NEGR1: variants seen among roughly 807,000 people sequenced by gnomAD.
The protein encoded by NEGR1 is IgLON family member 4.
NEGR1 carries 10 observed loss-of-function variants against 40.9 expected under a neutral mutation model. The observed-to-expected ratio is 0.24, with a 90% CI of 0.15 to 0.42. The LOEUF (loss-of-function observed/expected upper bound fraction) is 0.42, where lower values mean the gene tolerates loss of function less well. NEGR1 is among the 10% of genes least tolerant of loss of function. The probability of loss-of-function intolerance (pLI) is 1.00; values close to 1 mark genes in which losing one functional copy is unlikely to be tolerated. For missense variants in NEGR1, 352 were observed against 438.9 expected (o/e 0.80, Z 1.77); for synonymous variants, 185 against 166.8 (o/e 1.11, Z -0.84).
chr1:71,924,790 C>G (rs1467496624), intron 2 of NEGR1, among the ~76,000 whole-genome samples: 4 of 152,002 alleles, frequency 2.6e-5, no homozygotes, highest in Non-Finnish European at 5.9e-5. Flanking sequence ...CACGCATTCA[C>G]TATTCTACAC....
Position 72,282,351 on chromosome 1 carries a change from C to T in NEGR1, c.144G>A (p.Met48Ile), listed in dbSNP as rs544575439. The T allele has an allele frequency of 1.2e-6, 2 of 1,614,116 alleles. No individual in the cohort carries two copies. The highest frequency in any genetic ancestry group is 1.3e-5 in the African/African-American group (1 of 75,038). Reference protein sequence around the residue: ...VDFPWAAVDNMMVRKGDTAVL... With the variant: ...VDFPWAAVDNIMVRKGDTAVL... ...CCGCCGTGTCCCCTTTTCTGACCAT[C>T]ATGTTGTCCACGGCCGCCCAGGGGA... The change falls in exon 1 of 7, where the codon ATG (methionine) becomes ATA (isoleucine). Residue 48 changes from methionine to isoleucine, a missense_variant. By Grantham distance (10) the Met-to-Ile change is conservative. Coordinates refer to ENST00000357731, the MANE Select transcript of NEGR1 (RefSeq NM_173808.3).
chr1:71,581,919 G>T (rs1451865706), intron 6 of NEGR1, among the ~76,000 whole-genome samples: 1 of 151,918 alleles, frequency 6.6e-6, no homozygotes, highest in South Asian at 2.1e-4. Context: ...GCCCAAGCTG[G>T]TCTTAAACTC....
At chr1:72,186,573 T>G (rs1652620681) in intron 1 of NEGR1, among the ~76,000 whole-genome samples, 1 of 151,540 alleles carries the variant, frequency 6.6e-6, no homozygotes, top group South Asian at 2.1e-4. Context: ...CTGACATAAC[T>G]TCATAATTCT....
intron 6 of NEGR1, among the ~76,000 whole-genome samples, chr1:71,573,927 A>G (rs908280382): frequency 6.6e-6 from 1 of 152,108 alleles, no homozygotes; most frequent in Admixed American, 6.5e-5. Context: ...TTTTATCTCT[A>G]TATATCTGCA....
chr1:71,803,453 C>A (rs1160298234), intron 2 of NEGR1, among the ~76,000 whole-genome samples: 1 of 152,138 alleles, frequency 6.6e-6, no homozygotes, highest in Non-Finnish European at 1.5e-5. Context: ...TATAGTCTGT[C>A]CAATGGCTAA....
At chr1:71,963,619 A>G (rs1015972225) in intron 1 of NEGR1, among the ~76,000 whole-genome samples, 6 of 152,316 alleles carry the variant, frequency 3.9e-5, no homozygotes, top group African/African-American at 1.4e-4. Flanking sequence ...ATATTTTTAT[A>G]TATTTTAATG....
intron 3 of NEGR1, among the ~76,000 whole-genome samples, chr1:71,713,323 C>T (rs1040406532): frequency 5.3e-5 from 8 of 152,186 alleles, no homozygotes; most frequent in Non-Finnish European, 1.2e-4. Flanking sequence ...CTCTGGCATC[C>T]TAATTTCCTC....
chr1:72,076,669 T>A (rs1442419291), intron 1 of NEGR1, among the ~76,000 whole-genome samples: 1 of 152,128 alleles, frequency 6.6e-6, no homozygotes, highest in Non-Finnish European at 1.5e-5. Flanking sequence ...CGTGTGTGCG[T>A]ATGTGTGTGT....
intron 2 of NEGR1, among the ~76,000 whole-genome samples, chr1:71,784,305 C>A (rs1210111744): frequency 6.6e-6 from 1 of 151,692 alleles, no homozygotes; most frequent in African/African-American, 2.4e-5. Flanking sequence ...CCTTAAAATT[C>A]TCTCTCCTAT....
intron 1 of NEGR1, among the ~76,000 whole-genome samples, chr1:72,258,196 T>C (rs1655336835): frequency 6.6e-6 from 1 of 152,204 alleles, no homozygotes; most frequent in Non-Finnish European, 1.5e-5. Context: ...GATTTCTTTT[T>C]TGGTTTTCAA....
intron 2 of NEGR1, among the ~76,000 whole-genome samples, chr1:71,837,478 G>C (rs758440031): frequency 1.3e-5 from 2 of 151,856 alleles, no homozygotes; most frequent in Non-Finnish European, 2.9e-5. Context: ...TTTTGTTGCC[G>C]TTAAAATACA....
chr1:72,102,040 T>G (rs1648968378), intron 1 of NEGR1, among the ~76,000 whole-genome samples: 1 of 152,088 alleles, frequency 6.6e-6, no homozygotes, highest in South Asian at 2.1e-4. Context: ...TGAATTGTTA[T>G]GCTGACTCTG....
At chr1:72,227,982 A>G (rs1462196584) in intron 1 of NEGR1, among the ~76,000 whole-genome samples, 1 of 152,128 alleles carries the variant, frequency 6.6e-6, no homozygotes, top group Non-Finnish European at 1.5e-5. Context: ...TAAAGCAATA[A>G]TAGCACCTGA....
chr1:71,903,126 G>T (rs1401434114), intron 2 of NEGR1, among the ~76,000 whole-genome samples: 1 of 151,932 alleles, frequency 6.6e-6, no homozygotes, highest in South Asian at 2.1e-4. Flanking sequence ...AACCTCCAGA[G>T]ATCCTAATTA....
chr1:71,509,742 T>G lies in NEGR1; in HGVS notation c.940+83075A>C, dbSNP rs553773760. On this transcript the variant is annotated intron_variant, in intron 6 of 6. Transcript: ENST00000357731. ...TTAAGGCCTGAAACCAAATAGCTGCTGGGTTTAAGTCAGCACTCATCTGGT... is the reference window on the plus strand; with the variant it reads ...TTAAGGCCTGAAACCAAATAGCTGCGGGGTTTAAGTCAGCACTCATCTGGT... Among the ~76,000 whole-genome samples the G allele has an allele frequency of 4.6e-5, 7 of 152,288 alleles. No individual in the cohort carries two copies. In the East Asian group the frequency reaches 1.3e-3, roughly 29 times the overall value.
At chr1:72,193,390 A>G (rs1570104375) in intron 1 of NEGR1, among the ~76,000 whole-genome samples, 1 of 151,950 alleles carries the variant, frequency 6.6e-6, no homozygotes, top group East Asian at 1.9e-4. Flanking sequence ...TCTCTTTAAT[A>G]TAATTGATAT....
chr1:72,129,394 G>T (rs1415507272), intron 1 of NEGR1, among the ~76,000 whole-genome samples: 1 of 152,072 alleles, frequency 6.6e-6, no homozygotes, highest in Non-Finnish European at 1.5e-5. Context: ...CAAAATAAAA[G>T]AAACTACATC....
At chr1:71,790,294 C>A (rs11584866) in intron 2 of NEGR1, among the ~76,000 whole-genome samples, 12,420 of 152,064 alleles carry the variant, frequency 0.082, 680 homozygotes, top group African/African-American at 0.14. Context: ...CAATAATAAT[C>A]TGTATTTGGC....
intron 1 of NEGR1, among the ~76,000 whole-genome samples, chr1:72,105,907 T>G (rs1472538296): frequency 3.3e-5 from 5 of 152,096 alleles, no homozygotes; most frequent in Non-Finnish European, 7.4e-5. Context: ...GAGCAGAAGA[T>G]TTTTGGAAAC....
Sources: allele counts gnomAD v4.1 joint callset (sites outside exome capture counted in the v4.1 genomes callset), GRCh38; gene constraint gnomAD v4.1.1; transcripts MANE v1.5; gene names NCBI Gene and HGNC (gene_info 2026-07-23, HGNC 2026-07-21).